The following MBNL2 variants were observed in gnomAD, a reference collection of about 807,000 sequenced individuals.
MBNL2 encodes the protein muscleblind like splicing regulator 2, also known as muscleblind-like protein 2.
In MBNL2, 17 loss-of-function variants were observed where a neutral mutation model predicts 41.9. The ratio of observed to expected loss-of-function variants is 0.41; its 90% CI spans 0.28 to 0.61. The LOEUF is 0.61. Ranked by LOEUF, MBNL2 falls within the 20% of genes least tolerant of loss-of-function variation. The probability of loss-of-function intolerance (pLI) is 0.35; values close to 1 mark genes in which losing one functional copy is unlikely to be tolerated. For missense variants in MBNL2, 336 were observed against 505.6 expected (o/e 0.66, Z 3.22); for synonymous variants, 195 against 182.9 (o/e 1.07, Z -0.53).
intron 1 of MBNL2, among the ~76,000 whole-genome samples, chr13:97,246,122 G>A (rs1054424857): frequency 1.3e-5 from 2 of 152,212 alleles, no homozygotes; most frequent in African/African-American, 4.8e-5. Context: ...AAAGTTGGCT[G>A]AAATTTCTGT....
At chr13:97,376,299 C>T (rs376706794) in intron 8 of MBNL2, among the ~76,000 whole-genome samples, 2 of 152,324 alleles carry the variant, frequency 1.3e-5, no homozygotes, top group African/African-American at 4.8e-5. Flanking sequence ...CACTGCCTTT[C>T]TCCTCTCTGT....
intron 1 of MBNL2, among the ~76,000 whole-genome samples, chr13:97,243,957 TTCTG>T (rs746545822): frequency 2.1e-4 from 32 of 152,288 alleles, no homozygotes; most frequent in Middle Eastern, 6.8e-3. Flanking sequence ...CTCCCTACAC[TTCTG>T]TCTTTCACAG....
chr13:97,303,222 G>C lies in MBNL2; in HGVS notation c.174+26813G>C, dbSNP rs533314119. ...CTCGGGGAGGTGGCAAAAGTCTTTT[G>C]GGGTAGAAATTTCTTAAGTATCTGG... On this transcript the variant is annotated intron_variant, in intron 2 of 8. Coordinates refer to ENST00000679496, the MANE Select transcript of MBNL2 (RefSeq NM_001382683.1). Among the ~76,000 whole-genome samples, 6 of 152,264 alleles carry C rather than the reference G, an allele frequency of 3.9e-5. No homozygotes were observed. In the South Asian group the frequency reaches 1.2e-3, roughly 32 times the overall value.
intron 7 of MBNL2, among the ~76,000 whole-genome samples, chr13:97,361,188 A>G (rs987740734): frequency 6.6e-6 from 1 of 152,220 alleles, no homozygotes; most frequent in African/African-American, 2.4e-5. Context: ...GAGACAATGA[A>G]TTCTGCCTTC....
At chr13:97,297,292 A>G (rs191659317) in intron 2 of MBNL2, among the ~76,000 whole-genome samples, 14 of 152,272 alleles carry the variant, frequency 9.2e-5, no homozygotes, top group African/African-American at 3.4e-4. Flanking sequence ...CAAATTGCTG[A>G]TAGTCAGGAG....
intron 1 of MBNL2, among the ~76,000 whole-genome samples, chr13:97,236,548 A>T (rs1399637284): frequency 2.0e-5 from 3 of 151,918 alleles, no homozygotes; most frequent in Non-Finnish European, 4.4e-5. Flanking sequence ...AAGTTTTAAA[A>T]ATGTAGCTGG....
intron 1 of MBNL2, among the ~76,000 whole-genome samples, chr13:97,224,584 C>T (rs55927664): frequency 0.02 from 2,896 of 141,548 alleles, 45 homozygotes; most frequent in Non-Finnish European, 0.032. Flanking sequence ...ATACTTGCTA[C>T]ACTTTCCCTC....
Position 97,334,767 on chromosome 13 carries a change from A to C in MBNL2, c.339+327A>C, listed in dbSNP as rs1327843459. Reference sequence around the variant, plus strand: ...CATTTACAGTGTGAATTAATAATCTATGTATCAATGAGTTTGTGATGCCTA... The same window carrying C: ...CATTTACAGTGTGAATTAATAATCTCTGTATCAATGAGTTTGTGATGCCTA... On this transcript the variant is annotated intron_variant, in intron 3 of 8. Transcript: ENST00000679496. The surrounding 1 kb of genome is among the most constrained non-coding windows in gnomAD (Gnocchi z 5.3). Among the ~76,000 whole-genome samples the C allele has an allele frequency of 2.2e-4, 33 of 152,192 alleles. No homozygotes were observed. The highest frequency in any genetic ancestry group is 2.2e-3 in the Admixed American group (33 of 15,284).
chr13:97,203,607 C>T, the MBNL2 span, among the ~76,000 whole-genome samples: 1 of 152,158 alleles, frequency 6.6e-6, no homozygotes, highest in African/African-American at 2.4e-5. Flanking sequence ...AAATATTACC[C>T]TCTTGGCATG....
chr13:97,183,645 A>G, the MBNL2 span, among the ~76,000 whole-genome samples: 4 of 152,330 alleles, frequency 2.6e-5, no homozygotes, highest in African/African-American at 9.6e-5. Context: ...GTACGCCTCC[A>G]AAAGCACCTT....
the MBNL2 span, among the ~76,000 whole-genome samples, chr13:97,195,846 G>A: frequency 6.6e-6 from 1 of 152,088 alleles, no homozygotes; most frequent in Non-Finnish European, 1.5e-5. Context: ...ATATTCTACA[G>A]CATGTTGTTT....
chr13:97,278,596 G>A (rs866625198), intron 2 of MBNL2, among the ~76,000 whole-genome samples: 1 of 152,268 alleles, frequency 6.6e-6, no homozygotes, highest in South Asian at 2.1e-4. Flanking sequence ...CCAGCCCCCA[G>A]AATAAAGGGT....
chr13:97,167,540 T>C, the MBNL2 span, among the ~76,000 whole-genome samples: 1 of 152,214 alleles, frequency 6.6e-6, no homozygotes, highest in Admixed American at 6.5e-5. Flanking sequence ...TCTATTGTTT[T>C]CTAAAAAGTA....
chr13:97,331,718 G>T (rs1006035616), intron 2 of MBNL2, among the ~76,000 whole-genome samples: 5 of 152,138 alleles, frequency 3.3e-5, no homozygotes, highest in Admixed American at 1.3e-4. Context: ...AGGAGAAAAT[G>T]AGATGACCAT....
Position 97,391,674 on chromosome 13 carries a change from C to T in MBNL2, c.*225C>T, listed in dbSNP as rs1279705916. ...TATTGTCTTATCTCCATAACTATAGCTGATGCAGAAAGTCCAGCCAGTTTA... is the reference window on the plus strand; with the variant it reads ...TATTGTCTTATCTCCATAACTATAGTTGATGCAGAAAGTCCAGCCAGTTTA... On this transcript the variant is annotated 3_prime_UTR_variant, in exon 9 of 9. Transcript: ENST00000679496. The T allele has an allele frequency of 4.9e-6, 2 of 404,814 alleles. No individual in the cohort carries two copies. The highest frequency in any genetic ancestry group is 5.3e-5 in the South Asian group (1 of 18,908). 25.1% of individuals were successfully genotyped at this position (404,814 alleles called of 1,614,324 possible).
At chr13:97,238,292 C>A (rs950531091) in intron 1 of MBNL2, among the ~76,000 whole-genome samples, 3 of 152,196 alleles carry the variant, frequency 2.0e-5, no homozygotes, top group Admixed American at 2.0e-4. Context: ...GTAGATGACA[C>A]AGGCTTGGGA....
intron 7 of MBNL2, chr13:97,362,829 A>C (rs559380702): frequency 1.3e-5 from 2 of 152,420 alleles, no homozygotes; most frequent in East Asian, 3.9e-4. Context: ...CAGATGTGGC[A>C]GTAGTGATGG....
At chr13:97,267,832 A>T (rs1456055875) in intron 1 of MBNL2, among the ~76,000 whole-genome samples, 1 of 152,160 alleles carries the variant, frequency 6.6e-6, no homozygotes, top group Non-Finnish European at 1.5e-5. Flanking sequence ...GTTTCTAGGG[A>T]AATCAGTGAA....
chr13:97,290,169 A>G (rs2152970735), intron 2 of MBNL2, among the ~76,000 whole-genome samples: 1 of 152,314 alleles, frequency 6.6e-6, no homozygotes, highest in African/African-American at 2.4e-5. Flanking sequence ...TTAAATTTTT[A>G]TTGTACCTCG....
Sources: allele counts gnomAD v4.1 joint callset (sites outside exome capture counted in the v4.1 genomes callset), GRCh38; gene constraint gnomAD v4.1.1; non-coding constraint Gnocchi (gnomAD v3.1); transcripts MANE v1.5; gene names NCBI Gene and HGNC (gene_info 2026-07-23, HGNC 2026-07-21).